RGL1: variants seen among roughly 807,000 people sequenced by gnomAD.
RGL1 encodes the protein ral guanine nucleotide dissociation stimulator like 1.
Under a neutral mutation model 95.2 loss-of-function variants are expected in RGL1, and 24 were observed. The observed-to-expected ratio is 0.25, with a 90% CI of 0.18 to 0.35. RGL1 has a LOEUF of 0.35. Ranked by LOEUF, RGL1 falls within the 10% of genes least tolerant of loss-of-function variation. The pLI, the probability that RGL1 is intolerant of heterozygous loss-of-function variation, is 1.00. For missense variants in RGL1, 715 were observed against 936.3 expected, an observed-to-expected ratio of 0.76 and a Z score of 3.08; for synonymous variants, 329 against 344.9, an observed-to-expected ratio of 0.95 and a Z score of 0.51.
chr1:183,690,668 T>A (rs1653888804), intron 1 of RGL1, among the ~76,000 whole-genome samples: 2 of 152,080 alleles, frequency 1.3e-5, no homozygotes, highest in African/African-American at 2.4e-5. Context: ...AATGAAAATA[T>A]ACTTAATTCA....
In RGL1 at chr1:183,907,012, C is replaced by G; in HGVS notation, c.1473C>G (p.Ser491Arg). Residue 491 changes from serine (S) to arginine (R), a missense_variant and splice_region_variant, in exon 14 of 18, where the codon AGC becomes AGG. Transcript: ENST00000360851. ...QRQQLLTEEE[S>R]YALSCEIEAA... ...CATGGAGCCCCCTTCTCTTTCTCAGCTATGCCCTGTCATGTGAGATTGAAG... is the reference window on the plus strand; with the variant it reads ...CATGGAGCCCCCTTCTCTTTCTCAGGTATGCCCTGTCATGTGAGATTGAAG... The G allele has an allele frequency of 6.3e-7, 1 of 1,597,088 alleles. No homozygotes were observed. Among genetic ancestry groups the G allele is most frequent in the Non-Finnish European group, 8.6e-7 (1 of 1,165,128 alleles).
chr1:183,695,526 G>A (rs1654202208), intron 1 of RGL1, among the ~76,000 whole-genome samples: 1 of 152,292 alleles, frequency 6.6e-6, no homozygotes, highest in South Asian at 2.1e-4. Context: ...TGAGGGCTAT[G>A]GAATGTATAT....
intron 7 of RGL1, among the ~76,000 whole-genome samples, chr1:183,886,434 T>C (rs1412016148): frequency 6.6e-6 from 1 of 152,116 alleles, no homozygotes; most frequent in African/African-American, 2.4e-5. Context: ...ACAGCATGTC[T>C]CAAAAGCAGA....
At chr1:183,737,523 G>T (rs1232629674) in intron 1 of RGL1, among the ~76,000 whole-genome samples, 3 of 150,508 alleles carry the variant, frequency 2.0e-5, no homozygotes, top group Admixed American at 2.0e-4. Context: ...ACTGAGGCAG[G>T]AGGATCACTT....
intron 3 of RGL1, among the ~76,000 whole-genome samples, chr1:183,849,692 T>C (rs1344402667): frequency 2.0e-5 from 3 of 152,006 alleles, no homozygotes; most frequent in Non-Finnish European, 4.4e-5. Flanking sequence ...GGCTTTACCA[T>C]GTTGGCCAGG....
chr1:183,730,714 C>A (rs1656581059), intron 1 of RGL1, among the ~76,000 whole-genome samples: 1 of 152,074 alleles, frequency 6.6e-6, no homozygotes, highest in Admixed American at 6.6e-5. Context: ...CTCTGGAGGT[C>A]TGTGGCAATG....
At chr1:183,805,451 G>C (rs1351909484) in intron 1 of RGL1, 127 bp downstream of exon 1, 23 of 814,400 alleles carry the variant, frequency 2.8e-5, no homozygotes, top group Non-Finnish European at 4.4e-5. Flanking sequence ...GTGAGCTAAA[G>C]CTCTCTCACT....
intron 2 of RGL1, among the ~76,000 whole-genome samples, chr1:183,772,957 C>T (rs1281118028): frequency 6.0e-5 from 8 of 133,244 alleles, no homozygotes; most frequent in Non-Finnish European, 9.3e-5. Context: ...TGCAGTGAGC[C>T]GAGATTGTGC....
chr1:183,653,775 T>C (rs1330829319), intron 1 of RGL1, among the ~76,000 whole-genome samples: 1 of 152,232 alleles, frequency 6.6e-6, no homozygotes, highest in African/African-American at 2.4e-5. Context: ...TTGGTATGTA[T>C]GTGGTTCCCT....
At chr1:183,671,809 A>T (rs1368947153) in intron 1 of RGL1, among the ~76,000 whole-genome samples, 1 of 152,228 alleles carries the variant, frequency 6.6e-6, no homozygotes, top group Non-Finnish European at 1.5e-5. Flanking sequence ...TCAGTAGGGC[A>T]TATGGTGAGC....
intron 2 of RGL1, among the ~76,000 whole-genome samples, chr1:183,822,225 C>T (rs959535691): frequency 2.0e-5 from 3 of 152,092 alleles, no homozygotes; most frequent in African/African-American, 7.2e-5. Context: ...ATCTGGCAGG[C>T]AAGAGGAAGA....
intron 9 of RGL1, among the ~76,000 whole-genome samples, chr1:183,897,599 C>G (rs1352597004): frequency 6.6e-6 from 1 of 151,874 alleles, no homozygotes; most frequent in Admixed American, 6.6e-5. Flanking sequence ...CCAAGTCCAC[C>G]AGCCTCGTTA....
chr1:183,639,131 A>C (rs1284294703), intron 1 of RGL1, among the ~76,000 whole-genome samples: 1 of 152,140 alleles, frequency 6.6e-6, no homozygotes, highest in Non-Finnish European at 1.5e-5. Flanking sequence ...AATACAAAAA[A>C]TTAGCTGGGG....
chr1:183,762,054 T>G (rs951152959), intron 2 of RGL1, among the ~76,000 whole-genome samples: 16 of 152,372 alleles, frequency 1.1e-4, no homozygotes, highest in Middle Eastern at 3.4e-3. Flanking sequence ...TTTGATCTTC[T>G]GCCAGACCAC....
intron 1 of RGL1, among the ~76,000 whole-genome samples, chr1:183,644,777 C>T (rs746039827): frequency 5.3e-5 from 8 of 151,888 alleles, no homozygotes; most frequent in African/African-American, 1.7e-4. Flanking sequence ...AAAGATGTAA[C>T]GGCAGTTTAA....
chr1:183,702,312 A>G (rs572411828), intron 1 of RGL1, among the ~76,000 whole-genome samples: 1 of 152,292 alleles, frequency 6.6e-6, no homozygotes, highest in South Asian at 2.1e-4. Context: ...ATGACTCAGG[A>G]CAACACTGCC....
At chr1:183,813,228 C>G (rs1558222203) in intron 2 of RGL1, among the ~76,000 whole-genome samples, 1 of 152,156 alleles carries the variant, frequency 6.6e-6, no homozygotes, top group Non-Finnish European at 1.5e-5. Context: ...GGCAGGCACA[C>G]TGGTTTCAAA....
chr1:183,779,076 A>G (rs1394585589), intron 2 of RGL1, among the ~76,000 whole-genome samples: 1 of 152,146 alleles, frequency 6.6e-6, no homozygotes, highest in Non-Finnish European at 1.5e-5. Context: ...TGGAGGACAG[A>G]CTGCTATCAG....
chr1:183,771,983 A>C (rs183550402), intron 2 of RGL1, among the ~76,000 whole-genome samples: 2 of 152,364 alleles, frequency 1.3e-5, no homozygotes, highest in East Asian at 1.9e-4. Context: ...GCACTCAAGC[A>C]GGCTATTGAC....
Sources: gnomAD v4.1 joint callset for allele counts (sites outside exome capture counted in the v4.1 genomes callset) on GRCh38, gnomAD v4.1.1 for gene constraint, MANE v1.5 for transcripts, NCBI Gene and HGNC (gene_info 2026-07-23, HGNC 2026-07-21) for gene names.